Variants in SRGAP2B observed in about 807,000 individuals in gnomAD.
The protein encoded by SRGAP2B is SLIT-ROBO Rho GTPase-activating protein 2B.
SRGAP2B carries 9 observed loss-of-function variants against 22.2 expected under a neutral mutation model. The ratio of observed to expected loss-of-function variants is 0.41; its 90% confidence interval spans 0.24 to 0.71. SRGAP2B has a LOEUF of 0.71. Among genes scored for constraint, SRGAP2B ranks in the 30% least tolerant of loss-of-function variants. SRGAP2B has a pLI of 0.35. For missense variants in SRGAP2B, 114 were observed against 235.8 expected (o/e 0.48, Z 3.38); for synonymous variants, 36 against 87.4 (o/e 0.41, Z 3.28).
chr1:144,981,193 T>A (rs1255838794), intron 3 of SRGAP2B, among the ~76,000 whole-genome samples: 2 of 141,876 alleles, frequency 1.4e-5, no homozygotes, highest in East Asian at 2.1e-4. Context: ...ATTCATTTAA[T>A]TGGCTGCGAA....
intron 2 of SRGAP2B, among the ~76,000 whole-genome samples, chr1:145,080,825 G>C (rs1652858183): frequency 6.7e-6 from 1 of 149,690 alleles, no homozygotes; most frequent in Admixed American, 6.6e-5. Context: ...AAAGTGCTGG[G>C]ATTACAGGCT....
intron 4 of SRGAP2B, among the ~76,000 whole-genome samples, chr1:144,942,341 AACT>A (rs1415363709): frequency 6.7e-6 from 1 of 149,774 alleles, no homozygotes; most frequent in Non-Finnish European, 1.5e-5. Flanking sequence ...CGTTTTTACA[AACT>A]ACTATTTGCA....
intron 2 of SRGAP2B, among the ~76,000 whole-genome samples, chr1:145,002,597 C>T (rs1671272818): frequency 6.7e-6 from 1 of 148,658 alleles, no homozygotes; most frequent in East Asian, 2.0e-4. Flanking sequence ...AAGAAACAAA[C>T]AAAAAAACCA....
At chr1:145,019,193 A>T (rs1672618793) in intron 2 of SRGAP2B, among the ~76,000 whole-genome samples, 1 of 135,788 alleles carries the variant, frequency 7.4e-6, no homozygotes, top group Admixed American at 7.3e-5. Flanking sequence ...AAAAAAAAAA[A>T]AAAAAAAAAT....
chr1:144,902,667 C>T (rs2101686259), intron 7 of SRGAP2B, among the ~76,000 whole-genome samples: 1 of 143,166 alleles, frequency 7.0e-6, no homozygotes, highest in East Asian at 2.0e-4. Context: ...GAGGCTGAGG[C>T]AGGAGAATGG....
intron 4 of SRGAP2B, among the ~76,000 whole-genome samples, chr1:144,924,512 G>A (rs1326458623): frequency 2.0e-5 from 3 of 149,908 alleles, no homozygotes; most frequent in Non-Finnish European, 3.0e-5. Flanking sequence ...AGGCCGAGGC[G>A]GGCGGATCAC....
chr1:144,930,540 T>A (rs2101828562), intron 4 of SRGAP2B, among the ~76,000 whole-genome samples: 1 of 147,898 alleles, frequency 6.8e-6, no homozygotes, highest in East Asian at 2.0e-4. Flanking sequence ...TTCTAAAAAT[T>A]GGCACGTATA....
intron 2 of SRGAP2B, among the ~76,000 whole-genome samples, chr1:145,022,374 A>G (rs1571030891): frequency 2.3e-5 from 2 of 85,632 alleles, no homozygotes; most frequent in Non-Finnish European, 4.3e-5. Flanking sequence ...TATATAAGGG[A>G]GGGGAAGTGG....
exon 4 of SRGAP2B, chr1:144,955,455 C>T: frequency 2.5e-6 from 4 of 1,590,280 alleles, no homozygotes; most frequent in East Asian, 2.3e-5. Context: ...AAAGAGTCTT[C>T]CTGAGTCCTC....
chr1:145,045,252 T>C (rs782300325), intron 2 of SRGAP2B, among the ~76,000 whole-genome samples: 2 of 107,160 alleles, frequency 1.9e-5, no homozygotes, highest in Non-Finnish European at 3.6e-5. Flanking sequence ...AGCCGAGATC[T>C]AGCCACTGCA....
chr1:144,974,987 C>T (rs1340893379), intron 3 of SRGAP2B, among the ~76,000 whole-genome samples: 1 of 148,302 alleles, frequency 6.7e-6, no homozygotes, highest in Non-Finnish European at 1.5e-5. Context: ...TGGCAAGGGT[C>T]TCAATCCATA....
intron 4 of SRGAP2B, among the ~76,000 whole-genome samples, chr1:144,952,749 C>T (rs1267114234): frequency 1.3e-5 from 2 of 150,632 alleles, no homozygotes; most frequent in Admixed American, 1.3e-4. Flanking sequence ...ATGCAATACT[C>T]CCACCTCAGC....
At chr1:144,953,881 G>C in intron 4 of SRGAP2B, among the ~76,000 whole-genome samples, 1 of 150,186 alleles carries the variant, frequency 6.7e-6, no homozygotes. Flanking sequence ...GAAACTATCA[G>C]TCAAGCCCTT....
At chr1:144,922,713 T>C (rs1419079864) in intron 4 of SRGAP2B, among the ~76,000 whole-genome samples, 3 of 150,292 alleles carry the variant, frequency 2.0e-5, no homozygotes, top group South Asian at 2.1e-4. Flanking sequence ...GGTTCGACTG[T>C]GGGCATAAAG....
At chr1:144,940,179 G>GGTATGA (rs1480745100) in intron 4 of SRGAP2B, among the ~76,000 whole-genome samples, 1 of 109,326 alleles carries the variant, frequency 9.1e-6, no homozygotes, top group Non-Finnish European at 1.8e-5. Flanking sequence ...GAACAGTGAG[G>GGTATGA]GTATGAGTAA....
At chr1:144,925,766 AG>A (rs1664666262) in intron 4 of SRGAP2B, among the ~76,000 whole-genome samples, 3 of 144,238 alleles carry the variant, frequency 2.1e-5, no homozygotes, top group Non-Finnish European at 4.6e-5. Context: ...AAAGAAAGAA[AG>A]AAAGAAAGAA....
At chr1:145,011,509 C>T (rs1371675013) in intron 2 of SRGAP2B, among the ~76,000 whole-genome samples, 32 of 150,968 alleles carry the variant, frequency 2.1e-4, no homozygotes, top group African/African-American at 7.7e-4. Flanking sequence ...ACTTAACATG[C>T]CTGAACCTGA....
intron 2 of SRGAP2B, among the ~76,000 whole-genome samples, chr1:145,040,590 G>T (rs1289683471): frequency 6.7e-6 from 1 of 149,928 alleles, no homozygotes; most frequent in African/African-American, 2.5e-5. Flanking sequence ...AAACCCATGG[G>T]TATGACTGTT....
chr1:145,035,938 CAAAAAAAA>C (rs587600117), intron 2 of SRGAP2B, among the ~76,000 whole-genome samples: 24 of 92,192 alleles, frequency 2.6e-4, no homozygotes, highest in African/African-American at 9.0e-4. Context: ...TTTCAGAAGA[CAAAAAAAA>C]AAAAAAAAAC....
Sources: allele counts gnomAD v4.1 joint callset (sites outside exome capture counted in the v4.1 genomes callset), GRCh38; gene constraint gnomAD v4.1.1; transcripts MANE v1.5; gene names NCBI Gene and HGNC (gene_info 2026-07-23, HGNC 2026-07-21).